HSPA9: variants seen among roughly 807,000 people sequenced by gnomAD.
HSPA9 encodes the protein stress-70 protein, mitochondrial.
Under a neutral mutation model 81.5 loss-of-function variants are expected in HSPA9, and 28 were observed. The observed-to-expected ratio is 0.34, with a 90% CI of 0.25 to 0.47. The LOEUF is 0.47. HSPA9 is among the 20% of genes least tolerant of loss of function. The pLI is 1.00. For synonymous variants in HSPA9, 293 were observed against 290.4 expected (o/e 1.01, Z -0.09); for missense variants, 678 against 838.0 (o/e 0.81, Z 2.36).
intron 9 of HSPA9, among the ~76,000 whole-genome samples, chr5:138,564,980 C>T (rs544468847): frequency 6.6e-6 from 1 of 152,174 alleles, no homozygotes; most frequent in East Asian, 1.9e-4. Context: ...CTAATCTGTT[C>T]TAATTAATGT....
intron 10 of HSPA9, among the ~76,000 whole-genome samples, chr5:138,561,305 TACATA>T (rs1332580219): frequency 6.6e-6 from 1 of 152,062 alleles, no homozygotes; most frequent in Non-Finnish European, 1.5e-5. Flanking sequence ...TAATTTTTCA[TACATA>T]CATACATACA....
intron 11 of HSPA9, 63 bp from the exon 12 acceptor site, chr5:138,558,720 A>C: frequency 2.9e-6 from 3 of 1,045,106 alleles, no homozygotes; most frequent in Non-Finnish European, 4.5e-6. Flanking sequence ...TCTATAGAAA[A>C]AATGAAAGCC....
intron 9 of HSPA9, among the ~76,000 whole-genome samples, chr5:138,562,105 A>G (rs1344145674): frequency 6.6e-6 from 1 of 150,922 alleles, no homozygotes; most frequent in Admixed American, 6.6e-5. Context: ...TGCCCAGCTA[A>G]TTTTTGTATT....
chr5:138,556,402 C>T, intron 16 of HSPA9, 50 bp downstream of exon 16: 2 of 1,600,794 alleles, frequency 1.2e-6, no homozygotes, highest in Non-Finnish European at 1.7e-6. Context: ...TCATCAAGAA[C>T]AGTTCCATCC....
At chr5:138,573,903 G>A (rs1389533616) in intron 2 of HSPA9, 53 bp from the exon 3 acceptor site, 2 of 1,403,706 alleles carry the variant, frequency 1.4e-6, no homozygotes, top group Non-Finnish European at 2.0e-6. Context: ...ATAGACCAAA[G>A]TCACTGGAAG....
chr5:138,571,722 C>T (rs142166601), intron 3 of HSPA9, among the ~76,000 whole-genome samples: 1 of 151,500 alleles, frequency 6.6e-6, no homozygotes, highest in East Asian at 1.9e-4. Context: ...TCTCGGCTCA[C>T]TGCAAACTCC....
In HSPA9 at chr5:138,571,085, T is replaced by C; in HGVS notation, c.285A>G (p.Ala95=). Residue 95 remains alanine, a synonymous_variant, in exon 4 of 17, where the codon GCA becomes GCG. Coordinates refer to ENST00000297185, the MANE Select transcript of HSPA9 (RefSeq NM_004134.7). ...GCATTCCAACAAGTCGCTCACCATC[T>C]GCTGTAAAGGCCACAACTGAAGGGG... ...RTTPSVVAFT[A]DGERLVGMPA... The C allele has an allele frequency of 6.2e-7, 1 of 1,614,216 alleles. No individual in the cohort carries two copies. Among genetic ancestry groups the C allele is most frequent in the Non-Finnish European group, 8.5e-7 (1 of 1,180,040 alleles).
intron 10 of HSPA9, among the ~76,000 whole-genome samples, chr5:138,561,323 T>C (rs535557371): frequency 5.9e-5 from 9 of 152,074 alleles, no homozygotes; most frequent in South Asian, 4.2e-4. Context: ...TACATACATA[T>C]ATATATATAA....
chr5:138,574,147 TC>T (rs751888852), intron 1 of HSPA9, 21 bp from the exon 2 acceptor site: 8 of 1,592,330 alleles, frequency 5.0e-6, no homozygotes, highest in Non-Finnish European at 6.9e-6. Flanking sequence ...AAAAACTGAC[TC>T]AGTCACCAAC....
intron 4 of HSPA9, among the ~76,000 whole-genome samples, 179 bp from the exon 5 acceptor site, chr5:138,569,228 A>G (rs1750827363): frequency 6.6e-6 from 1 of 152,226 alleles, no homozygotes; most frequent in Admixed American, 6.5e-5. Context: ...ATTACAAGGC[A>G]AAATGAAATA....
At position 138,561,715 on chromosome 5, in the gene HSPA9, A is replaced by C. The variant is rs1349069758; in HGVS notation, c.1047T>G (p.Ala349=). Residue 349 remains alanine (A), a synonymous_variant, in exon 10 of 17, where the codon GCT becomes GCG. Transcript: ENST00000297185. The part of the protein sequence containing the change: ...PKHLNMKLTR[A]QFEGIVTDLI... ...GATCAGTGACAATCCCTTCAAATTG[A>C]GCACGGGTCAACTTCATATTCAAAT... 2 of 1,614,074 alleles carry C rather than the reference A, an allele frequency of 1.2e-6. No homozygotes were observed. The highest frequency in any genetic ancestry group is 2.7e-5 in the African/African-American group (2 of 74,938).
intron 11 of HSPA9, 65 bp downstream of exon 11, chr5:138,559,799 G>T: frequency 9.4e-7 from 1 of 1,059,082 alleles, no homozygotes; most frequent in Non-Finnish European, 1.5e-6. Flanking sequence ...CATGAAAGTG[G>T]CTGCAATTAC....
intron 5 of HSPA9, among the ~76,000 whole-genome samples, chr5:138,568,498 ACT>A (rs368140820): frequency 2.0e-4 from 30 of 152,198 alleles, no homozygotes; most frequent in African/African-American, 7.0e-4. Context: ...CAAGAGTGAA[ACT>A]CTGTCTCAAA....
rs1750493035 is a variant in HSPA9 at position 138,555,231 on chromosome 5, T to C, written c.*806A>G. The C allele has an allele frequency of 6.6e-6, 1 of 152,128 alleles. No homozygotes were observed. Among genetic ancestry groups the C allele is most frequent in the Non-Finnish European group, 1.5e-5 (1 of 68,024 alleles). The allele number at this position is 152,128 out of a possible 1,614,324, so 9.4% of individuals were successfully genotyped here. ...ATCTTGAATTTGCATTTTTAACCAG[T>C]GTTAGCAAATCCTGTATTTCCCTCT... is the stretch of plus-strand genomic sequence containing the variant. On this transcript the variant is annotated 3_prime_UTR_variant, in exon 17 of 17. Transcript: ENST00000297185.
chr5:138,559,757 A>C lies in HSPA9; in HGVS notation c.1410+107T>G, dbSNP rs1392740344. 7 of 775,736 alleles carry C rather than the reference A, an allele frequency of 9.0e-6. No individual in the cohort carries two copies. The Admixed American group carries it at 1.4e-4, about 16-fold the overall frequency. 48.1% of individuals were successfully genotyped at this position (775,736 alleles called of 1,614,324 possible). A position where few individuals can be genotyped will look rare whatever the true frequency, so the allele number is the denominator to read the frequency against. On this transcript the variant is annotated intron_variant, in intron 11 of 16. Coordinates refer to ENST00000297185, the MANE Select transcript of HSPA9 (RefSeq NM_004134.7). ...ACTGTTTAATATTCTAAACTGTAAAACAGATAAAAATGAAGTTTTCTAGAA... is the reference window on the plus strand; with the variant it reads ...ACTGTTTAATATTCTAAACTGTAAACCAGATAAAAATGAAGTTTTCTAGAA...
At chr5:138,568,456 G>T (rs758167633) in intron 5 of HSPA9, among the ~76,000 whole-genome samples, 32 of 151,990 alleles carry the variant, frequency 2.1e-4, no homozygotes, top group Admixed American at 6.6e-4. Flanking sequence ...TTGGTGAGCC[G>T]AGATTGTGCC....
At chr5:138,558,758 C>T (rs1286783635) in intron 11 of HSPA9, 101 bp from the exon 12 acceptor site, 2 of 781,554 alleles carry the variant, frequency 2.6e-6, no homozygotes, top group African/African-American at 3.4e-5. Flanking sequence ...GACTGGAAGA[C>T]TCCTAATTTA....
At chr5:138,566,980 T>C (rs1157507046) in intron 8 of HSPA9, 21 bp downstream of exon 8, 1 of 1,610,592 alleles carries the variant, frequency 6.2e-7, no homozygotes, top group South Asian at 1.1e-5. Flanking sequence ...CGTCTACATA[T>C]TAACCACATT....
intron 5 of HSPA9, among the ~76,000 whole-genome samples, chr5:138,568,210 C>CGGCCG (rs1227814569): frequency 7.1e-6 from 1 of 140,726 alleles, no homozygotes; most frequent in Non-Finnish European, 1.5e-5. Context: ...AACCCAAGAT[C>CGGCCG]GGCCGGCCAG....
Sources: gnomAD v4.1 joint callset for allele counts (sites outside exome capture counted in the v4.1 genomes callset) on GRCh38, gnomAD v4.1.1 for gene constraint, MANE v1.5 for transcripts, NCBI Gene and HGNC (gene_info 2026-07-23, HGNC 2026-07-21) for gene names.